MACROD1: variants seen among roughly 807,000 people sequenced by gnomAD.
MACROD1 encodes the protein mono-ADP ribosylhydrolase 1.
A neutral mutation model predicts 41.4 loss-of-function variants in MACROD1; 31 were observed. That is an observed-to-expected ratio of 0.75 (90% CI 0.56 to 1.01). The LOEUF is 1.01. Ranked by LOEUF, MACROD1 falls within the 50% of genes least tolerant of loss-of-function variation. The pLI is 0.00. For missense variants in MACROD1, 473 were observed against 460.0 expected, an observed-to-expected ratio of 1.03 and a Z score of -0.26; for synonymous variants, 252 against 203.4, an observed-to-expected ratio of 1.24 and a Z score of -2.03.
At chr11:64,134,802 G>C (rs927776487) in intron 3 of MACROD1, among the ~76,000 whole-genome samples, 1 of 152,142 alleles carries the variant, frequency 6.6e-6, no homozygotes, top group Non-Finnish European at 1.5e-5. Flanking sequence ...TTCTCCTACC[G>C]GGAATTGCCT....
intron 3 of MACROD1, among the ~76,000 whole-genome samples, chr11:64,140,297 C>T (rs765993495): frequency 1.3e-5 from 2 of 152,374 alleles, no homozygotes; most frequent in African/African-American, 4.8e-5. Context: ...AGGCATGGAC[C>T]GCCTTGCTGG....
chr11:64,064,540 G>T lies in MACROD1; in HGVS notation c.518-49259C>A, dbSNP rs969638323. Among the ~76,000 whole-genome samples the T allele has an allele frequency of 6.6e-6, 1 of 152,078 alleles. No individual in the cohort carries two copies. Among genetic ancestry groups the T allele is most frequent in the Non-Finnish European group, 1.5e-5 (1 of 68,006 alleles). ...CATATGTACGTATGTGCCTGGCATG[G>T]TCCTTGCCTGAGTCCTGCCTGCTGG... On this transcript the variant is annotated intron_variant, in intron 3 of 10. Coordinates refer to ENST00000255681, the MANE Select transcript of MACROD1 (RefSeq NM_014067.4). This position sits in a 1 kb window ranked among gnomAD's most constrained non-coding sequence, Gnocchi z 4.5.
At chr11:64,018,682 C>T (rs1943114199) in intron 3 of MACROD1, among the ~76,000 whole-genome samples, 2 of 152,296 alleles carry the variant, frequency 1.3e-5, no homozygotes, top group African/African-American at 2.4e-5. Context: ...CTCTCTACTG[C>T]ACCACCCCCC....
At chr11:64,162,856 C>T (rs914144532) in intron 1 of MACROD1, among the ~76,000 whole-genome samples, 48 of 150,810 alleles carry the variant, frequency 3.2e-4, no homozygotes, top group African/African-American at 1.1e-3. Flanking sequence ...CCCAGTGACT[C>T]ACGCCTGTAA....
intron 3 of MACROD1, among the ~76,000 whole-genome samples, chr11:64,059,846 T>G (rs914623397): frequency 2.0e-5 from 3 of 152,078 alleles, no homozygotes; most frequent in Non-Finnish European, 4.4e-5. Context: ...CCCTAGGCGC[T>G]GATTGGTTGC....
chr11:64,059,490 C>T (rs1324257217), intron 3 of MACROD1, among the ~76,000 whole-genome samples: 2 of 152,194 alleles, frequency 1.3e-5, no homozygotes, highest in Non-Finnish European at 2.9e-5. Flanking sequence ...CATGCCCTTC[C>T]ACAGGCTGAC....
intron 3 of MACROD1, among the ~76,000 whole-genome samples, chr11:64,018,382 C>T (rs514063): frequency 0.048 from 7,343 of 152,250 alleles, 242 homozygotes; most frequent in Middle Eastern, 0.11. Context: ...CCCTGGGCCT[C>T]GACACCAAGC....
At chr11:64,013,135 CTTA>C (rs1943037513) in intron 4 of MACROD1, among the ~76,000 whole-genome samples, 3 of 151,956 alleles carry the variant, frequency 2.0e-5, no homozygotes, top group East Asian at 3.9e-4. Flanking sequence ...TTACTGAGCA[CTTA>C]TTATAAGTGC....
At chr11:64,134,659 C>T (rs1945308846) in intron 3 of MACROD1, among the ~76,000 whole-genome samples, 1 of 152,116 alleles carries the variant, frequency 6.6e-6, no homozygotes, top group Admixed American at 6.5e-5. Flanking sequence ...GGCTGCGCCA[C>T]ACCTGTACAC....
At chr11:64,056,511 C>T (rs111925477) in intron 3 of MACROD1, among the ~76,000 whole-genome samples, 135 of 152,222 alleles carry the variant, frequency 8.9e-4, no homozygotes, top group African/African-American at 2.9e-3. Flanking sequence ...GACGGAGAGA[C>T]GGAGCCTGGG....
chr11:64,067,354 G>C lies in MACROD1; in HGVS notation c.518-52073C>G, dbSNP rs1451958363. 1.3e-5 allele frequency among the ~76,000 whole-genome samples: 2 copies of C among 152,136 alleles called. No individual in the cohort carries two copies. The highest frequency in any genetic ancestry group is 6.5e-5 in the Admixed American group (1 of 15,272). Reference sequence around the variant, plus strand: ...GATGGTGAGGGGGGAATCCATTATCGGGCAAAATAGCAGCTGCTGACGTGA... The same window carrying C: ...GATGGTGAGGGGGGAATCCATTATCCGGCAAAATAGCAGCTGCTGACGTGA... On this transcript the variant is annotated intron_variant, in intron 3 of 10. Coordinates refer to ENST00000255681, the MANE Select transcript of MACROD1 (RefSeq NM_014067.4). The surrounding 1 kb of genome is among the most constrained non-coding windows in gnomAD (Gnocchi z 4.6).
chr11:64,148,739 A>T, intron 3 of MACROD1: 1 of 985,736 alleles, frequency 1.0e-6, no homozygotes, highest in Non-Finnish European at 1.2e-6. Flanking sequence ...AGCCCCGAAA[A>T]GCCCTGCCGT....
intron 3 of MACROD1, chr11:64,117,799 A>G: frequency 6.2e-7 from 1 of 1,614,182 alleles, no homozygotes; most frequent in Non-Finnish European, 8.5e-7. Context: ...GTCACCATGG[A>G]GACCAGCAAT....
chr11:64,053,907 C>T (rs1022567730), intron 3 of MACROD1, among the ~76,000 whole-genome samples: 3 of 152,106 alleles, frequency 2.0e-5, no homozygotes, highest in Non-Finnish European at 2.9e-5. Flanking sequence ...TCCGTCATCC[C>T]CCCCACCACC....
Position 64,157,687 on chromosome 11 carries a change from G to A in MACROD1, c.299-5294C>T, listed in dbSNP as rs555468602. On this transcript the variant is annotated intron_variant, in intron 1 of 10. Coordinates refer to ENST00000255681, the MANE Select transcript of MACROD1 (RefSeq NM_014067.4). ...CCACCAGAACCATAAAGTGCAGCGG[G>A]CGAATGGGAATTCAATGCTGTGTTT... Among the ~76,000 whole-genome samples, 10 of 152,262 alleles carry A rather than the reference G, an allele frequency of 6.6e-5. No individual in the cohort carries two copies. In the South Asian group the frequency reaches 2.1e-3, roughly 32 times the overall value.
At chr11:64,143,649 C>T (rs1401008221) in intron 3 of MACROD1, among the ~76,000 whole-genome samples, 7 of 151,740 alleles carry the variant, frequency 4.6e-5, no homozygotes, top group Non-Finnish European at 5.9e-5. Context: ...GTTTCCTGGC[C>T]GTGAGGACAG....
Position 63,998,702 on chromosome 11 carries a change from G to GAGTC in MACROD1, c.*31-19_*31-16dup. On this transcript the variant is annotated splice_polypyrimidine_tract_variant and intron_variant, in intron 10 of 10. Transcript: ENST00000255681. ...CGAAGGCGGGTCTGAGGGCAGAGCA[G>GAGTC]AGTCAGAGGTGTCTATGGGCGTCCC... 7.2e-7 allele frequency: 1 copy of GAGTC among 1,384,592 alleles called. No homozygotes were observed. The highest frequency in any genetic ancestry group is 2.7e-5 in the East Asian group (1 of 36,478). 85.8% of individuals were successfully genotyped at this position (1,384,592 alleles called of 1,614,324 possible).
chr11:64,073,600 C>T (rs1343844840), intron 3 of MACROD1, among the ~76,000 whole-genome samples: 4 of 152,228 alleles, frequency 2.6e-5, no homozygotes, highest in East Asian at 3.9e-4. Flanking sequence ...GGCCCAGGTA[C>T]GGCAGGTGCA....
At chr11:64,011,332 G>T (rs1943013815) in intron 4 of MACROD1, among the ~76,000 whole-genome samples, 1 of 151,660 alleles carries the variant, frequency 6.6e-6, no homozygotes, top group Non-Finnish European at 1.5e-5. Context: ...CTGGCATGTT[G>T]GTTGGGCTGT....
Sources: gnomAD v4.1 joint callset for allele counts (sites outside exome capture counted in the v4.1 genomes callset) on GRCh38, gnomAD v4.1.1 for gene constraint, Gnocchi (gnomAD v3.1) non-coding constraint, MANE v1.5 for transcripts, NCBI Gene and HGNC (gene_info 2026-07-23, HGNC 2026-07-21) for gene names.